The following PPIL3 variants were observed in gnomAD, a reference collection of about 807,000 sequenced individuals.
The protein encoded by PPIL3 is peptidylprolyl isomerase like 3.
In PPIL3, 13 loss-of-function variants were observed where a neutral mutation model predicts 20.9. The ratio of observed to expected loss-of-function variants is 0.62; its 90% confidence interval spans 0.40 to 0.99. The LOEUF (loss-of-function observed/expected upper bound fraction) is 0.99, where lower values mean the gene tolerates loss of function less well. PPIL3 is among the 50% of genes least tolerant of loss of function. The probability of loss-of-function intolerance (pLI) is 0.00; values close to 1 mark genes in which losing one functional copy is unlikely to be tolerated. For missense variants in PPIL3, 170 were observed against 195.2 expected (o/e 0.87, Z 0.77); for synonymous variants, 71 against 64.4 (o/e 1.10, Z -0.49).
intron 2 of PPIL3, 130 bp from the exon 3 acceptor site, chr2:200,885,902 G>A: frequency 1.8e-6 from 1 of 565,212 alleles, no homozygotes; most frequent in Non-Finnish European, 3.1e-6. Context: ...CTTCAGAGAT[G>A]ACCCATCCAC....
At chr2:200,878,807 A>G (rs2039611699) in intron 5 of PPIL3, among the ~76,000 whole-genome samples, 1 of 152,156 alleles carries the variant, frequency 6.6e-6, no homozygotes, top group Admixed American at 6.6e-5. Context: ...ACATTGTTAC[A>G]TTTCTAAGGT....
chr2:200,878,798 CATT>C (rs1337963804), intron 5 of PPIL3, among the ~76,000 whole-genome samples: 8 of 152,176 alleles, frequency 5.3e-5, no homozygotes, highest in Admixed American at 2.6e-4. Flanking sequence ...CTACAAATAA[CATT>C]GTTACATTTC....
chr2:200,887,712 G>A, intron 1 of PPIL3, 27 bp from the exon 2 acceptor site: 11 of 1,043,164 alleles, frequency 1.1e-5, no homozygotes, highest in Non-Finnish European at 1.6e-5. Flanking sequence ...AAAAGAATTA[G>A]GCTCATTTTC....
At chr2:200,881,328 T>C (rs1348630618) in intron 5 of PPIL3, 93 bp downstream of exon 5, 2 of 896,148 alleles carry the variant, frequency 2.2e-6, no homozygotes, top group African/African-American at 3.5e-5. Flanking sequence ...CATTTTGCAA[T>C]GATGTTAACT....
At chr2:200,873,060 C>T (rs1426047780) in intron 6 of PPIL3, among the ~76,000 whole-genome samples, 7 of 152,002 alleles carry the variant, frequency 4.6e-5, no homozygotes, top group South Asian at 2.1e-4. Flanking sequence ...TTAGTAGAGA[C>T]GGAGTTTCAG....
intron 6 of PPIL3, among the ~76,000 whole-genome samples, chr2:200,874,814 G>A (rs1259297046): frequency 6.6e-6 from 1 of 152,124 alleles, no homozygotes; most frequent in Non-Finnish European, 1.5e-5. Flanking sequence ...CTGCAGCCTT[G>A]ACACCCTGAG....
intron 6 of PPIL3, among the ~76,000 whole-genome samples, chr2:200,874,461 A>C (rs940843429): frequency 2.0e-5 from 3 of 152,144 alleles, no homozygotes; most frequent in Non-Finnish European, 4.4e-5. Context: ...AGTATATGGG[A>C]AACGGACCCC....
At chr2:200,885,150 C>A in intron 3 of PPIL3, 1 of 163,194 alleles carries the variant, frequency 6.1e-6, no homozygotes, top group Non-Finnish European at 1.3e-5. Context: ...GTGCATGGAT[C>A]ACCTGAGGTT....
intron 6 of PPIL3, among the ~76,000 whole-genome samples, chr2:200,872,052 C>T (rs751604238): frequency 6.6e-6 from 1 of 152,048 alleles, no homozygotes; most frequent in African/African-American, 2.4e-5. Flanking sequence ...GAACAGAGAC[C>T]CCGGTTAATC....
chr2:200,881,083 C>T (rs1166736257), intron 5 of PPIL3, among the ~76,000 whole-genome samples: 1 of 152,136 alleles, frequency 6.6e-6, no homozygotes, highest in African/African-American at 2.4e-5. Flanking sequence ...TTCCTCCCCA[C>T]TCTCAAAAAA....
intron 2 of PPIL3, among the ~76,000 whole-genome samples, chr2:200,886,300 A>G (rs2039935856): frequency 6.6e-6 from 1 of 152,200 alleles, no homozygotes; most frequent in Non-Finnish European, 1.5e-5. Context: ...TGCAGAGATA[A>G]CCACAGTGCT....
At chr2:200,874,009 T>C (rs1016301694) in intron 6 of PPIL3, among the ~76,000 whole-genome samples, 1 of 151,104 alleles carries the variant, frequency 6.6e-6, no homozygotes, top group Non-Finnish European at 1.5e-5. Flanking sequence ...ATTGAGACCA[T>C]CCTGGCTAAC....
At chr2:200,877,104 A>T (rs1559337583) in intron 5 of PPIL3, 67 bp from the exon 6 acceptor site, 23 of 1,037,822 alleles carry the variant, frequency 2.2e-5, no homozygotes, top group Non-Finnish European at 2.0e-5. Context: ...GTATTGAAAC[A>T]AGACAGGCAC....
chr2:200,877,980 G>A (rs2039584974), intron 5 of PPIL3, among the ~76,000 whole-genome samples: 1 of 152,196 alleles, frequency 6.6e-6, no homozygotes, highest in African/African-American at 2.4e-5. Flanking sequence ...ACAGGGAGGT[G>A]CCTGTAATAC....
intron 5 of PPIL3, among the ~76,000 whole-genome samples, chr2:200,880,532 C>A (rs1575107148): frequency 6.6e-6 from 1 of 151,270 alleles, no homozygotes; most frequent in Non-Finnish European, 1.5e-5. Flanking sequence ...TACAGGCACA[C>A]GCCACTATAA....
intron 5 of PPIL3, 147 bp downstream of exon 5, chr2:200,881,274 C>T (rs893486244): frequency 1.9e-5 from 12 of 627,320 alleles, no homozygotes; most frequent in African/African-American, 1.5e-4. Context: ...CAAGTCTCCC[C>T]GACATCATTT....
chr2:200,874,121 C>T (rs1470170808), intron 6 of PPIL3, among the ~76,000 whole-genome samples: 4 of 148,318 alleles, frequency 2.7e-5, no homozygotes, highest in Non-Finnish European at 4.4e-5. Context: ...AGGAGAATGG[C>T]GTGAACCCAG....
chr2:200,888,851 G>A (rs998463736), intron 1 of PPIL3, 105 bp downstream of exon 1: 3 of 454,764 alleles, frequency 6.6e-6, no homozygotes, highest in Non-Finnish European at 1.4e-5. Flanking sequence ...CAGCCTCGCC[G>A]CCCACTGTTC....
chr2:200,888,809 AG>A, intron 1 of PPIL3, 146 bp downstream of exon 1: 1 of 406,482 alleles, frequency 2.5e-6, no homozygotes, highest in East Asian at 7.3e-5. Flanking sequence ...GCCGCCGTGC[AG>A]GGTCCTTCTT....
Sources: gnomAD v4.1 joint callset for allele counts (sites outside exome capture counted in the v4.1 genomes callset) on GRCh38, gnomAD v4.1.1 for gene constraint, MANE v1.5 for transcripts, NCBI Gene and HGNC (gene_info 2026-07-23, HGNC 2026-07-21) for gene names.